INSYN2A: variants seen among roughly 807,000 people sequenced by gnomAD.
INSYN2A encodes the protein inhibitory synaptic factor 2A, also known as family with sequence similarity 196 member A.
Under a neutral mutation model 39.4 loss-of-function variants are expected in INSYN2A, and 17 were observed. The ratio of observed to expected loss-of-function variants is 0.43; its 90% CI spans 0.30 to 0.65. The LOEUF (loss-of-function observed/expected upper bound fraction) is 0.65, where lower values mean the gene tolerates loss of function less well. INSYN2A is among the 30% of genes least tolerant of loss of function. INSYN2A has a pLI of 0.14. For missense variants in INSYN2A, 595 were observed against 631.2 expected, an observed-to-expected ratio of 0.94 and a Z score of 0.61; for synonymous variants, 255 against 265.7, an observed-to-expected ratio of 0.96 and a Z score of 0.39.
chr10:127,179,488 T>G (rs942678176), intron 2 of INSYN2A, among the ~76,000 whole-genome samples: 1 of 152,182 alleles, frequency 6.6e-6, no homozygotes, highest in African/African-American at 2.4e-5. Context: ...CCAAGGAATT[T>G]TTGTGGCTGG....
chr10:127,181,027 T>G (rs921515228), intron 2 of INSYN2A, among the ~76,000 whole-genome samples: 1 of 152,112 alleles, frequency 6.6e-6, no homozygotes, highest in African/African-American at 2.4e-5. Context: ...GAAGCAGGCC[T>G]CTGGAAGGCA....
chr10:127,167,193 G>A (rs1786424032), intron 4 of INSYN2A, among the ~76,000 whole-genome samples: 1 of 151,968 alleles, frequency 6.6e-6, no homozygotes, highest in South Asian at 2.1e-4. Context: ...ATTAAATGAA[G>A]AAAATGATAG....
intron 4 of INSYN2A, among the ~76,000 whole-genome samples, chr10:127,159,017 TC>T (rs1427614311): frequency 6.6e-6 from 1 of 152,070 alleles, no homozygotes; most frequent in Non-Finnish European, 1.5e-5. Flanking sequence ...TTTTGAACAC[TC>T]CTTGGTCAAG....
At chr10:127,165,752 C>T (rs755450416) in intron 4 of INSYN2A, among the ~76,000 whole-genome samples, 2 of 152,110 alleles carry the variant, frequency 1.3e-5, no homozygotes, top group Admixed American at 6.5e-5. Context: ...CAAGGAGAGA[C>T]GTTGCATCCT....
rs1232247521 is a variant in INSYN2A, at chr10:127,176,589, C to T, written c.-5-189G>A. Among the ~76,000 whole-genome samples, 1 of 152,216 alleles carries T rather than the reference C, an allele frequency of 6.6e-6. No individual in the cohort carries two copies. Among genetic ancestry groups the T allele is most frequent in the Non-Finnish European group, 1.5e-5 (1 of 68,042 alleles). On this transcript the variant is annotated intron_variant, in intron 3 of 5. Coordinates refer to ENST00000522781, the MANE Select transcript of INSYN2A (RefSeq NM_001039762.3). This position sits in a 1 kb window ranked among gnomAD's most constrained non-coding sequence, Gnocchi z 4.4. ...GCTGGCAGCACAGCTTGAAATGCTT[C>T]TCAGATATTAAAGCCTGCTTGCTTT...
At position 127,175,616 on chromosome 10, in the gene INSYN2A, G is replaced by T. The variant is rs776635279; in HGVS notation, c.780C>A (p.Ala260=). The T allele has an allele frequency of 6.8e-6, 11 of 1,613,044 alleles. No individual in the cohort carries two copies. In the Admixed American group the frequency reaches 1.3e-4, roughly 20 times the overall value. Residue 260 remains alanine (A), a synonymous_variant, in exon 4 of 6, where the codon GCC becomes GCA. Transcript: ENST00000522781. This position sits in a 1 kb window ranked among gnomAD's most constrained non-coding sequence, Gnocchi z 6.3. ...KTEVATVYAP[A]LSARAPEPGL... ...CAGGCTCGGGGGCCCTGGCACTGAG[G>T]GCAGGTGCGTAAACGGTGGCAACCT... is the stretch of plus-strand genomic sequence containing the variant.
At chr10:127,192,077 T>C (rs183646936) in intron 2 of INSYN2A, among the ~76,000 whole-genome samples, 16 of 152,350 alleles carry the variant, frequency 1.1e-4, no homozygotes, top group Admixed American at 9.8e-4. Context: ...CTTTTGTTTC[T>C]TTACCATTCT....
intron 5 of INSYN2A, among the ~76,000 whole-genome samples, chr10:127,152,381 C>T (rs927786648): frequency 2.0e-5 from 3 of 152,212 alleles, no homozygotes; most frequent in Non-Finnish European, 4.4e-5. Flanking sequence ...GAAGAAAAGA[C>T]CTGCATGGAT....
intron 2 of INSYN2A, among the ~76,000 whole-genome samples, chr10:127,185,440 C>G (rs964904185): frequency 2.0e-5 from 3 of 152,128 alleles, no homozygotes; most frequent in African/African-American, 7.2e-5. Flanking sequence ...GCAGGAGAAT[C>G]GCTTGAACCA....
chr10:127,194,417 T>A (rs994881497), intron 1 of INSYN2A, among the ~76,000 whole-genome samples: 1 of 152,152 alleles, frequency 6.6e-6, no homozygotes, highest in Non-Finnish European at 1.5e-5. Flanking sequence ...TGCAAAAAAA[T>A]TGCAAAGATA....
chr10:127,140,350 A>G (rs1204127896), intron 5 of INSYN2A, among the ~76,000 whole-genome samples: 1 of 152,156 alleles, frequency 6.6e-6, no homozygotes, highest in Non-Finnish European at 1.5e-5. Context: ...TGCCCTGGGA[A>G]TCTGCAACCA....
intron 2 of INSYN2A, among the ~76,000 whole-genome samples, chr10:127,186,055 G>T (rs12572681): frequency 0.32 from 47,970 of 151,998 alleles, 8,025 homozygotes; most frequent in African/African-American, 0.41. Flanking sequence ...ACGTTTTAGA[G>T]CATGGCACCT....
At chr10:127,153,692 G>A (rs780248019) in intron 5 of INSYN2A, among the ~76,000 whole-genome samples, 160 bp downstream of exon 5, 3 of 152,158 alleles carry the variant, frequency 2.0e-5, no homozygotes, top group Non-Finnish European at 4.4e-5. Flanking sequence ...TACTTGGGGT[G>A]GGGTATTTAG....
chr10:127,173,986 C>T (rs1289085913), intron 4 of INSYN2A, among the ~76,000 whole-genome samples: 1 of 152,226 alleles, frequency 6.6e-6, no homozygotes, highest in Non-Finnish European at 1.5e-5. Context: ...GGACCTGCCC[C>T]AGCCTCTCCA....
chr10:127,158,276 G>A (rs2053270440), intron 4 of INSYN2A, among the ~76,000 whole-genome samples: 1 of 152,198 alleles, frequency 6.6e-6, no homozygotes, highest in African/African-American at 2.4e-5. Context: ...CCATAAGGAA[G>A]AACAACCTAA....
At position 127,183,894 on chromosome 10, in the gene INSYN2A, C is replaced by T. The variant is rs139882454; in HGVS notation, c.-268-6755G>A. Reference sequence around the variant, plus strand: ...GTTTAATTTTTCCCTTGACCAGCAGCTGTTGTGAACCTCTGTCTTCTCTGT... The same window carrying T: ...GTTTAATTTTTCCCTTGACCAGCAGTTGTTGTGAACCTCTGTCTTCTCTGT... On this transcript the variant is annotated intron_variant, in intron 2 of 5. Transcript: ENST00000522781. Among the ~76,000 whole-genome samples the T allele has an allele frequency of 2.6e-5, 4 of 152,296 alleles. No individual in the cohort carries two copies. The East Asian group carries it at 5.8e-4, about 22-fold the overall frequency.
intron 5 of INSYN2A, among the ~76,000 whole-genome samples, chr10:127,150,055 T>G (rs2052337397): frequency 6.6e-6 from 1 of 152,168 alleles, no homozygotes; most frequent in African/African-American, 2.4e-5. Context: ...GGCTGTAAGT[T>G]TGCATGGGAG....
chr10:127,152,632 C>T (rs139664138), intron 5 of INSYN2A, among the ~76,000 whole-genome samples: 182 of 152,344 alleles, frequency 1.2e-3, no homozygotes, highest in African/African-American at 4.1e-3. Flanking sequence ...CCTGTGCAGG[C>T]AGCATAGGAT....
chr10:127,161,570 G>A (rs2053597264), intron 4 of INSYN2A, among the ~76,000 whole-genome samples: 1 of 152,202 alleles, frequency 6.6e-6, no homozygotes, highest in Non-Finnish European at 1.5e-5. Context: ...AGGCTGTTTG[G>A]AGTACTGCCT....
Sources: gnomAD v4.1 joint callset for allele counts (sites outside exome capture counted in the v4.1 genomes callset) on GRCh38, gnomAD v4.1.1 for gene constraint, Gnocchi (gnomAD v3.1) non-coding constraint, MANE v1.5 for transcripts, NCBI Gene and HGNC (gene_info 2026-07-23, HGNC 2026-07-21) for gene names.